Variants in JPH3 observed in about 807,000 individuals in gnomAD.
JPH3 encodes the protein junctophilin 3.
Under a neutral mutation model 59.6 loss-of-function variants are expected in JPH3, and 11 were observed. That is an observed-to-expected ratio of 0.18 (90% CI 0.12 to 0.31). The LOEUF (loss-of-function observed/expected upper bound fraction) is 0.31. Among genes scored for constraint, JPH3 ranks in the 10% least tolerant of loss-of-function variants. JPH3 has a pLI of 1.00. For missense variants in JPH3, 1,202 were observed against 1,105.7 expected (o/e 1.09, Z -1.24); for synonymous variants, 673 against 483.6 (o/e 1.39, Z -5.14).
At chr16:87,641,158 G>A (rs2031937664) in intron 1 of JPH3, among the ~76,000 whole-genome samples, 1 of 152,220 alleles carries the variant, frequency 6.6e-6, no homozygotes, top group Non-Finnish European at 1.5e-5. Context: ...AAGAGGCTGA[G>A]GCTGACACTC....
intron 3 of JPH3, 146 bp from the exon 4 acceptor site, chr16:87,689,500 C>CCCT: frequency 1.2e-6 from 1 of 848,296 alleles, no homozygotes; most frequent in East Asian, 2.7e-5. Flanking sequence ...GGTCCCCACT[C>CCCT]CCCTCCCTTG....
intron 1 of JPH3, among the ~76,000 whole-genome samples, chr16:87,629,917 A>G (rs56093207): frequency 0.17 from 26,124 of 152,234 alleles, 2,492 homozygotes; most frequent in Non-Finnish European, 0.22. Flanking sequence ...GAGGGGATAC[A>G]GTATATGGGA....
chr16:87,684,226 T>A lies in JPH3; in HGVS notation c.1245T>A (p.Thr415=), dbSNP rs774419265. The part of the protein sequence containing the change: ...AQEEARIARI[T]AKEFSPSFQH... ...AGGAGGCGCGGATCGCCAGGATCACTGCCAAAGAGTTCTCCCCTTCCTTCC... is the reference window on the plus strand; with the variant it reads ...AGGAGGCGCGGATCGCCAGGATCACAGCCAAAGAGTTCTCCCCTTCCTTCC... The change falls in exon 3 of 5, where the codon ACT becomes ACA. Residue 415 remains threonine (T), a synonymous_variant. Coordinates refer to ENST00000284262, the MANE Select transcript of JPH3 (RefSeq NM_020655.4). 10 of 1,613,820 alleles carry A rather than the reference T, an allele frequency of 6.2e-6. No individual in the cohort carries two copies. In the South Asian group the frequency reaches 1.1e-4, roughly 18 times the overall value.
rs1026545539 is a variant in JPH3 at position 87,602,525 on chromosome 16, C to T, written c.-622C>T. 2.2e-5 allele frequency among the ~76,000 whole-genome samples: 3 copies of T among 139,532 alleles called. No homozygotes were observed. The highest frequency in any genetic ancestry group is 7.0e-5 in the Admixed American group (1 of 14,384). 91.5% of individuals were successfully genotyped at this position (139,532 alleles called of 152,430 possible). ...CGCGGCCCGAGCGCGCGAGCCGGGCCCGGAGCGCACGCCGCCGCCGCCACC... is the reference window on the plus strand; with the variant it reads ...CGCGGCCCGAGCGCGCGAGCCGGGCTCGGAGCGCACGCCGCCGCCGCCACC... On this transcript the variant is annotated 5_prime_UTR_variant, in exon 1 of 5. Transcript: ENST00000284262.
At chr16:87,691,539 C>T (rs144803740) in intron 4 of JPH3, among the ~76,000 whole-genome samples, 27 of 152,236 alleles carry the variant, frequency 1.8e-4, no homozygotes, top group African/African-American at 5.8e-4. Context: ...GTCGACGCTG[C>T]GGCAGGGGTC....
At position 87,628,080 on chromosome 16, in the gene JPH3, G is replaced by A. The variant is rs1013364393; in HGVS notation, c.383-16178G>A. Among the ~76,000 whole-genome samples the A allele has an allele frequency of 9.8e-5, 15 of 152,328 alleles. No individual in the cohort carries two copies. In the East Asian group the frequency reaches 1.4e-3, roughly 14 times the overall value. ...TCCTGTTCCTGCCTCCCCTGTTCAC[G>A]CCCCACAGAGGAGGGAGGAAGCTGG... On this transcript the variant is annotated intron_variant, in intron 1 of 4. Coordinates refer to ENST00000284262, the MANE Select transcript of JPH3 (RefSeq NM_020655.4).
intron 2 of JPH3, among the ~76,000 whole-genome samples, chr16:87,672,397 C>T (rs1487485204): frequency 1.3e-5 from 2 of 152,198 alleles, no homozygotes; most frequent in Middle Eastern, 3.2e-3. Context: ...ACACCCCAGC[C>T]GCGCCCTTGG....
intron 2 of JPH3, among the ~76,000 whole-genome samples, chr16:87,649,404 G>A (rs1028431240): frequency 1.3e-5 from 2 of 152,238 alleles, no homozygotes; most frequent in African/African-American, 2.4e-5. Context: ...TGTCCTGAAT[G>A]CCTCGCTGTC....
At chr16:87,671,573 T>A (rs968308687) in intron 2 of JPH3, among the ~76,000 whole-genome samples, 2 of 150,036 alleles carry the variant, frequency 1.3e-5, no homozygotes, top group Non-Finnish European at 3.0e-5. Flanking sequence ...ACAACCCTTG[T>A]ACCCAGCCCT....
At chr16:87,679,233 G>A (rs2033225324) in intron 2 of JPH3, among the ~76,000 whole-genome samples, 1 of 152,154 alleles carries the variant, frequency 6.6e-6, no homozygotes, top group Non-Finnish European at 1.5e-5. Flanking sequence ...TTATTGCTTA[G>A]GGTTTCTCTC....
chr16:87,635,751 G>A (rs567470077), intron 1 of JPH3, among the ~76,000 whole-genome samples: 2 of 152,248 alleles, frequency 1.3e-5, no homozygotes, highest in East Asian at 1.9e-4. Context: ...AAGGTTTAGG[G>A]GGTTTGTTCC....
chr16:87,666,573 T>A (rs1054777010), intron 2 of JPH3, among the ~76,000 whole-genome samples: 1 of 152,004 alleles, frequency 6.6e-6, no homozygotes, highest in African/African-American at 2.4e-5. Flanking sequence ...CTTTAAAATT[T>A]TTTTGTAGAG....
intron 1 of JPH3, among the ~76,000 whole-genome samples, chr16:87,607,389 C>A (rs1361045866): frequency 6.6e-6 from 1 of 152,246 alleles, no homozygotes. Flanking sequence ...CCAGATTCCT[C>A]AACCCACACA....
At chr16:87,604,625 C>T (rs554208490) in intron 1 of JPH3, 95 of 1,197,100 alleles carry the variant, frequency 7.9e-5, no homozygotes, top group Admixed American at 1.1e-4. Flanking sequence ...AAATCCTGAG[C>T]GTACGTGTGC....
chr16:87,696,494 G>T, intron 4 of JPH3, 86 bp from the exon 5 acceptor site: 1 of 1,104,096 alleles, frequency 9.1e-7, no homozygotes, highest in Non-Finnish European at 1.4e-6. Flanking sequence ...CTGCTAGCTT[G>T]GTGAAAAGAC....
intron 2 of JPH3, among the ~76,000 whole-genome samples, chr16:87,670,055 C>T (rs529941612): frequency 6.6e-6 from 1 of 152,200 alleles, no homozygotes; most frequent in Non-Finnish European, 1.5e-5. Context: ...GGGACACAGG[C>T]GTGGGGATTC....
intron 1 of JPH3, among the ~76,000 whole-genome samples, chr16:87,624,645 G>A (rs1293252649): frequency 6.6e-6 from 1 of 152,230 alleles, no homozygotes; most frequent in Non-Finnish European, 1.5e-5. Context: ...GTTTCCACCT[G>A]GGGGCTATCC....
intron 2 of JPH3, among the ~76,000 whole-genome samples, chr16:87,672,686 G>A (rs750843808): frequency 9.2e-5 from 14 of 152,228 alleles, no homozygotes; most frequent in Non-Finnish European, 1.3e-4. Context: ...ACCAGAGCAG[G>A]GTGTCCACGT....
intron 3 of JPH3, among the ~76,000 whole-genome samples, chr16:87,685,489 A>G (rs909536584): frequency 3.9e-5 from 6 of 152,176 alleles, no homozygotes; most frequent in Non-Finnish European, 8.8e-5. Context: ...TGCCTCGCCC[A>G]CGACCAGCTG....
Sources: gnomAD v4.1 joint callset for allele counts (sites outside exome capture counted in the v4.1 genomes callset) on GRCh38, gnomAD v4.1.1 for gene constraint, MANE v1.5 for transcripts, NCBI Gene and HGNC (gene_info 2026-07-23, HGNC 2026-07-21) for gene names.